Variants in SLC49A3 observed in about 807,000 individuals in gnomAD.
The protein encoded by SLC49A3 is solute carrier family 49 member A3.
SLC49A3 carries 50 observed loss-of-function variants against 43.8 expected under a neutral mutation model. The observed-to-expected ratio is 1.14, with a 90% CI of 0.91 to 1.45. The LOEUF is 1.45. Ranked by LOEUF, SLC49A3 falls within the 40% of genes most tolerant of loss-of-function variation. The pLI is 0.00. For synonymous variants in SLC49A3, 413 were observed against 352.0 expected, an observed-to-expected ratio of 1.17 and a Z score of -1.94; for missense variants, 906 against 774.1, an observed-to-expected ratio of 1.17 and a Z score of -2.02.
chr4:682,663 G>A, intron 9 of SLC49A3, 118 bp downstream of exon 9: 2 of 796,192 alleles, frequency 2.5e-6, no homozygotes, highest in Non-Finnish European at 3.8e-6. Flanking sequence ...CCTGCGTGGT[G>A]CTCACCTGTC....
chr4:679,839 T>C, downstream of SLC49A3: 1 of 1,197,456 alleles, frequency 8.4e-7, no homozygotes, highest in Non-Finnish European at 1.2e-6. Context: ...TGCCTGGCCC[T>C]GTGCTGGGGT....
At chr4:678,502 G>C (rs1739084548), downstream of SLC49A3, 3 of 1,443,128 alleles carry the variant, frequency 2.1e-6, no homozygotes, top group Non-Finnish European at 2.7e-6. Flanking sequence ...CAGCTACCCA[G>C]GCCTGAGGCT....
At chr4:684,658 T>G (rs1740616779) in intron 5 of SLC49A3, 59 bp from the exon 6 acceptor site, 1 of 1,608,074 alleles carries the variant, frequency 6.2e-7, no homozygotes, top group Non-Finnish European at 8.5e-7. Context: ...ACCCATCGCC[T>G]CCTCAGCCTC....
upstream of SLC49A3, chr4:689,228 G>A (rs116368462): frequency 0.13 from 108,906 of 818,926 alleles, 7,220 homozygotes; most frequent in Middle Eastern, 0.14. Context: ...GGTGGGGCCG[G>A]GCCGGGCCGG....
At position 689,147 on chromosome 4, in the gene SLC49A3, TCTC is replaced by T. The variant is rs1741624958; in HGVS notation, c.-23_-21del. On this transcript the variant is annotated 5_prime_UTR_variant, in exon 1 of 10. Transcript: ENST00000322224. ...CGCCATCGTCGGCGGCCTCCACGGG[TCTC>T]CGCCGGTCCCGCCGGCCGCCCGGGC... 1.5e-6 allele frequency: 2 copies of T among 1,308,358 alleles called. No individual in the cohort carries two copies. The highest frequency in any genetic ancestry group is 8.4e-5 in the Admixed American group (2 of 23,784). 81.0% of individuals were successfully genotyped at this position (1,308,358 alleles called of 1,614,324 possible). A position where few individuals can be genotyped will look rare whatever the true frequency, so the allele number is the denominator to read the frequency against.
At chr4:680,164 G>A (rs540281440), downstream of SLC49A3, 571 of 791,278 alleles carry the variant, frequency 7.2e-4, no homozygotes, top group South Asian at 2.8e-3. Flanking sequence ...GTGGGGCCCC[G>A]TCAGCCACCC....
chr4:689,231 C>G (rs1482551886), upstream of SLC49A3: 3 of 801,050 alleles, frequency 3.7e-6, no homozygotes, highest in African/African-American at 1.8e-5. Flanking sequence ...GGGGCCGGGC[C>G]GGGCCGGGCC....
upstream of SLC49A3, among the ~76,000 whole-genome samples, chr4:690,688 C>G (rs924129099): frequency 1.3e-5 from 2 of 152,216 alleles, no homozygotes; most frequent in Non-Finnish European, 2.9e-5. Flanking sequence ...CTCTGTTGAG[C>G]GTGCATTGTC....
chr4:690,461 G>A (rs1041646479), upstream of SLC49A3, among the ~76,000 whole-genome samples: 7 of 151,164 alleles, frequency 4.6e-5, no homozygotes, highest in Non-Finnish European at 8.8e-5. Context: ...GCCCTGCCCT[G>A]AGGACCCAGC....
At chr4:683,936 T>C (rs1407593429) in intron 6 of SLC49A3, among the ~76,000 whole-genome samples, 175 bp from the exon 7 acceptor site, 1 of 151,730 alleles carries the variant, frequency 6.6e-6, no homozygotes, top group Non-Finnish European at 1.5e-5. Flanking sequence ...CTGCCTTGTG[T>C]TTCCCACCCC....
chr4:681,203 G>T, downstream of SLC49A3: 1 of 1,554,402 alleles, frequency 6.4e-7, no homozygotes, highest in South Asian at 1.2e-5. Flanking sequence ...GGGTCAGCTG[G>T]GTGGAGGGGG....
In SLC49A3 at chr4:683,832, G is replaced by A. The variant is rs140050656; in HGVS notation, c.841-71C>T. Reference sequence around the variant, plus strand: ...TCCTAGGTGCATGCCGTCAGGGCAGGGGGCTCAGTGTAGGGCCGTGTGCTG... The same window carrying A: ...TCCTAGGTGCATGCCGTCAGGGCAGAGGGCTCAGTGTAGGGCCGTGTGCTG... On this transcript the variant is annotated intron_variant, in intron 6 of 9. Coordinates refer to ENST00000322224, the MANE Select transcript of SLC49A3 (RefSeq NM_032219.4). 8.5e-3 allele frequency: 12,816 copies of A among 1,504,390 alleles called. 74 individuals carry two copies. The highest frequency in any genetic ancestry group is 9.4e-3 in the Non-Finnish European group (10,600 of 1,124,460). 93.2% of individuals were successfully genotyped at this position (1,504,390 alleles called of 1,614,324 possible). A position where few individuals can be genotyped will look rare whatever the true frequency, so the allele number is the denominator to read the frequency against.
At chr4:680,225 G>A (rs778811402), downstream of SLC49A3, among the ~76,000 whole-genome samples, 3 of 152,132 alleles carry the variant, frequency 2.0e-5, no homozygotes, top group Non-Finnish European at 4.4e-5. Context: ...TGTGTGACCC[G>A]CCGTCGACAC....
rs747165832 is a variant in SLC49A3 at position 682,008 on chromosome 4, C to G, written c.1630G>C (p.Asp544His). 8.4e-6 allele frequency: 12 copies of G among 1,425,704 alleles called. No individual in the cohort carries two copies. The highest frequency in any genetic ancestry group is 6.0e-5 in the South Asian group (4 of 66,980). 88.3% of individuals were successfully genotyped at this position (1,425,704 alleles called of 1,614,324 possible). The change falls in exon 10 of 10, where the codon GAC (aspartate) becomes CAC (histidine). Residue 544 changes from aspartate (D) to histidine (H), a missense_variant. Asp to His is a moderately conservative substitution (Grantham distance 81, BLOSUM62 -1). Transcript: ENST00000322224. ...AGRVQASRFIDPAGSHSSFSS... is the reference protein window; with the variant it reads ...AGRVQASRFIHPAGSHSSFSS... ...AAGGAGGAGTGAGACCCAGCCGGGT[C>G]AATAAACCTGGACGCTTGGACCCTG...
At chr4:679,987 G>A (rs987293988), downstream of SLC49A3, 5 of 1,613,410 alleles carry the variant, frequency 3.1e-6, no homozygotes, top group Admixed American at 1.7e-5. Flanking sequence ...ACTTCACCAT[G>A]TTTCTGAACC....
In SLC49A3 at chr4:686,417, G is replaced by A; in HGVS notation, c.294+115C>T. On this transcript the variant is annotated intron_variant, in intron 2 of 9. Transcript: ENST00000322224. Reference sequence around the variant, plus strand: ...CCGCCACCTCGACGGCTCTGCCGGGGTCCCCAGCTGTTGGGACTGGTGGGC... The same window carrying A: ...CCGCCACCTCGACGGCTCTGCCGGGATCCCCAGCTGTTGGGACTGGTGGGC... 5.8e-6 allele frequency: 9 copies of A among 1,564,430 alleles called. No homozygotes were observed. In the South Asian group the frequency reaches 9.7e-5, roughly 17 times the overall value.
At chr4:681,685 GCCCCCTCCAGCGCCGCC>G (rs1739635438), downstream of SLC49A3, 4 of 14,842 alleles carry the variant, frequency 2.7e-4, no homozygotes, top group East Asian at 1.9e-3. Context: ...GCGCCGCCCC[GCCCCCTCCAGCGCCGCC>G]CCGCCCCCTC....
intron 8 of SLC49A3, 136 bp from the exon 9 acceptor site, chr4:683,026 G>A: frequency 9.1e-7 from 1 of 1,096,864 alleles, no homozygotes; most frequent in Non-Finnish European, 1.3e-6. Context: ...CTCGGTCATG[G>A]GCCCTATCAG....
rs1739905651 is a variant in SLC49A3 at position 682,317 on chromosome 4, A to G, written c.1321T>C (p.Phe441Leu). The change falls in exon 10 of 10, where the codon TTC becomes CTC. Residue 441 changes from phenylalanine to leucine, a missense_variant. By Grantham distance (22) the Phe-to-Leu change is conservative (BLOSUM62 0). Transcript: ENST00000322224. The stretch of plus-strand genomic sequence containing the variant: ...TGCAGGCGCCGGTATGGGGTGTGGA[A>G]GAAGACCGCCAGGATGCAGCTGAAG... The part of the protein sequence containing the change: ...TFFSCILAVF[F>L]HTPYRRLQAE... 1 of 1,349,856 alleles carries G rather than the reference A, an allele frequency of 7.4e-7. No homozygotes were observed. Among genetic ancestry groups the G allele is most frequent in the Non-Finnish European group, 9.6e-7 (1 of 1,040,894 alleles). The allele number at this position is 1,349,856 out of a possible 1,614,324, so 83.6% of individuals were successfully genotyped here.
Sources: gnomAD v4.1 joint callset for allele counts (sites outside exome capture counted in the v4.1 genomes callset) on GRCh38, gnomAD v4.1.1 for gene constraint, MANE v1.5 for transcripts, NCBI Gene and HGNC (gene_info 2026-07-23, HGNC 2026-07-21) for gene names.